Variants in AK5 observed in about 807,000 individuals in gnomAD.
AK5 encodes the protein adenylate kinase isoenzyme 5.
AK5 carries 27 observed loss-of-function variants against 69.5 expected under a neutral mutation model. The observed-to-expected ratio is 0.39, with a 90% confidence interval of 0.29 to 0.54. AK5 has a LOEUF of 0.54. Ranked by LOEUF, AK5 falls within the 20% of genes least tolerant of loss-of-function variation. The pLI is 0.71. For missense variants in AK5, 531 were observed against 700.4 expected (o/e 0.76, Z 2.73); for synonymous variants, 260 against 244.4 (o/e 1.06, Z -0.60).
At chr1:77,304,651 C>T (rs192109086) in intron 5 of AK5, among the ~76,000 whole-genome samples, 13 of 152,196 alleles carry the variant, frequency 8.5e-5, no homozygotes, top group African/African-American at 2.9e-4. Flanking sequence ...GTGATCCACC[C>T]GCCTCTGCCT....
chr1:77,458,170 G>A (rs936650155), intron 8 of AK5, among the ~76,000 whole-genome samples: 3 of 151,082 alleles, frequency 2.0e-5, no homozygotes, highest in African/African-American at 7.3e-5. Flanking sequence ...GGAGGCTCTA[G>A]GGGAAAATCC....
At chr1:77,428,938 A>T (rs1651405972) in intron 8 of AK5, among the ~76,000 whole-genome samples, 1 of 152,146 alleles carries the variant, frequency 6.6e-6, no homozygotes, top group Non-Finnish European at 1.5e-5. Context: ...TGAACTCATC[A>T]TTTTTATGGC....
Position 77,282,387 on chromosome 1 carries a change from T to C in AK5, c.60+14T>C. 4.5e-6 allele frequency: 7 copies of C among 1,540,790 alleles called. No homozygotes were observed. Among genetic ancestry groups the C allele is most frequent in the Non-Finnish European group, 6.1e-6 (7 of 1,142,262 alleles). ...CAGCTTTTTGAGGTAGGGCTAGAGC[T>C]GGCCGACGGGCGGTAGCATCCGGGG... On this transcript the variant is annotated intron_variant, in intron 1 of 13. Transcript: ENST00000354567.
In AK5 at chr1:77,559,326, T is replaced by TATTA. The variant is rs542648319; in HGVS notation, c.*657_*660dup. The TATTA allele has an allele frequency of 9.5e-4, 144 of 150,942 alleles. No homozygotes were observed. Among genetic ancestry groups the TATTA allele is most frequent in the African/African-American group, 3.2e-3 (130 of 41,164 alleles). 9.4% of individuals were successfully genotyped at this position (150,942 alleles called of 1,614,324 possible). ...CAGGTTAGTCATCAGTAACCTTCTC[T>TATTA]ATTATTATTATTTTTTAGAAACTTG... is the stretch of plus-strand genomic sequence containing the variant. On this transcript the variant is annotated 3_prime_UTR_variant, in exon 14 of 14. Coordinates refer to ENST00000354567, the MANE Select transcript of AK5 (RefSeq NM_174858.3).
chr1:77,283,639 G>T (rs1658187170), intron 1 of AK5: 1 of 985,082 alleles, frequency 1.0e-6, no homozygotes, highest in Non-Finnish European at 1.2e-6. Flanking sequence ...CTCAAGCGTG[G>T]TATGTGAAGC....
intron 6 of AK5, among the ~76,000 whole-genome samples, chr1:77,402,764 A>G (rs200053196): frequency 1.3e-5 from 2 of 152,022 alleles, no homozygotes; most frequent in Admixed American, 6.6e-5. Flanking sequence ...ATACGTGTGC[A>G]TGTGTCTTTA....
intron 8 of AK5, among the ~76,000 whole-genome samples, chr1:77,472,467 T>A (rs1460688734): frequency 6.6e-6 from 1 of 152,062 alleles, no homozygotes; most frequent in Non-Finnish European, 1.5e-5. Flanking sequence ...CTTTTTCACA[T>A]CCTCTTGGCC....
intron 6 of AK5, among the ~76,000 whole-genome samples, chr1:77,392,981 G>A (rs974340203): frequency 7.9e-5 from 12 of 152,088 alleles, no homozygotes; most frequent in African/African-American, 2.9e-4. Flanking sequence ...CACCCAGGCT[G>A]GAGTGCGGTG....
chr1:77,296,502 A>T (rs1167208), intron 3 of AK5, among the ~76,000 whole-genome samples: 135,548 of 152,158 alleles, frequency 0.89, 60,661 homozygotes, highest in Middle Eastern at 0.97. Flanking sequence ...TTGACAAAAA[A>T]TTTTTTTTCT....
rs1475308068 is a variant in AK5, at chr1:77,559,378, C to T, written c.*708C>T. 6.6e-6 allele frequency: 1 copy of T among 152,058 alleles called. No homozygotes were observed. Among genetic ancestry groups the T allele is most frequent in the African/African-American group, 2.4e-5 (1 of 41,376 alleles). 9.4% of individuals were successfully genotyped at this position (152,058 alleles called of 1,614,324 possible). ...AATACTGTCGTCATGGCTAAGAGAA[C>T]AAATCTGATAAATTGTGTAACCTAG... On this transcript the variant is annotated 3_prime_UTR_variant, in exon 14 of 14. Transcript: ENST00000354567.
intron 6 of AK5, among the ~76,000 whole-genome samples, chr1:77,409,043 T>G (rs1172765867): frequency 2.6e-5 from 4 of 152,240 alleles, no homozygotes; most frequent in Admixed American, 6.5e-5. Context: ...ATTAGTTTTG[T>G]AAGGACAATG....
At chr1:77,388,023 A>G (rs1472181947) in intron 6 of AK5, among the ~76,000 whole-genome samples, 1 of 152,118 alleles carries the variant, frequency 6.6e-6, no homozygotes, top group East Asian at 1.9e-4. Context: ...TTATTTTCTT[A>G]TTATCCTGCC....
chr1:77,557,962 C>T (rs1392996099), intron 13 of AK5, among the ~76,000 whole-genome samples: 2 of 147,482 alleles, frequency 1.4e-5, no homozygotes, highest in Non-Finnish European at 3.0e-5. Flanking sequence ...TTGACTTTTC[C>T]AGAATGTCAT....
chr1:77,464,570 T>C (rs1317640371), intron 8 of AK5, among the ~76,000 whole-genome samples: 1 of 152,048 alleles, frequency 6.6e-6, no homozygotes, highest in Non-Finnish European at 1.5e-5. Flanking sequence ...TAGGTGAAGA[T>C]GATAGGCTGA....
chr1:77,451,547 T>C (rs1416748564), intron 8 of AK5, among the ~76,000 whole-genome samples: 1 of 152,212 alleles, frequency 6.6e-6, no homozygotes, highest in Non-Finnish European at 1.5e-5. Flanking sequence ...AATATTACTC[T>C]AGGAGTAAAT....
In AK5 at chr1:77,431,167, G is replaced by A. The variant is rs374955532; in HGVS notation, c.1059+13452G>A. 1.1e-4 allele frequency among the ~76,000 whole-genome samples: 17 copies of A among 152,316 alleles called. No individual in the cohort carries two copies. In the South Asian group the frequency reaches 1.9e-3, roughly 17 times the overall value. The stretch of plus-strand genomic sequence containing the variant: ...ATCTGTTGAGATTTCAGGGTTTCAA[G>A]AGAGTAGAAGCCTGAACTGTTGTGA... On this transcript the variant is annotated intron_variant, in intron 8 of 13. Coordinates refer to ENST00000354567, the MANE Select transcript of AK5 (RefSeq NM_174858.3).
chr1:77,415,646 C>A (rs188899940), intron 7 of AK5, among the ~76,000 whole-genome samples: 289 of 152,288 alleles, frequency 1.9e-3, no homozygotes, highest in African/African-American at 6.7e-3. Context: ...TCCACAGCCA[C>A]CCTATGACCT....
intron 8 of AK5, among the ~76,000 whole-genome samples, chr1:77,479,920 A>G (rs910239660): frequency 1.3e-5 from 2 of 152,230 alleles, no homozygotes; most frequent in South Asian, 2.1e-4. Context: ...GGAAGCTCCA[A>G]GGCGACTGAG....
chr1:77,504,297 T>C (rs1656902621), intron 10 of AK5, among the ~76,000 whole-genome samples: 1 of 152,200 alleles, frequency 6.6e-6, no homozygotes, highest in South Asian at 2.1e-4. Flanking sequence ...AAGGATTTCT[T>C]TTCTTTTTAC....
Sources: gnomAD v4.1 joint callset for allele counts (sites outside exome capture counted in the v4.1 genomes callset) on GRCh38, gnomAD v4.1.1 for gene constraint, MANE v1.5 for transcripts, NCBI Gene and HGNC (gene_info 2026-07-23, HGNC 2026-07-21) for gene names.